B3GALT1: variants seen among roughly 807,000 people sequenced by gnomAD.
B3GALT1 encodes the protein UDP-Gal:betaGlcNAc beta 1,3-galactosyltransferase, polypeptide 1.
Under a neutral mutation model 23.2 loss-of-function variants are expected in B3GALT1, and 10 were observed. The ratio of observed to expected loss-of-function variants is 0.43; its 90% CI spans 0.27 to 0.73. B3GALT1 has a LOEUF of 0.73. Among genes scored for constraint, B3GALT1 ranks in the 30% least tolerant of loss-of-function variants. The pLI is 0.21. For synonymous variants in B3GALT1, 156 were observed against 141.5 expected (o/e 1.10, Z -0.73); for missense variants, 299 against 405.4 (o/e 0.74, Z 2.25).
At chr2:167,368,655 A>G (rs1412585415) in intron 1 of B3GALT1, among the ~76,000 whole-genome samples, 1 of 152,208 alleles carries the variant, frequency 6.6e-6, no homozygotes, top group East Asian at 1.9e-4. Context: ...TACAGAGAGG[A>G]ATCACATTCA....
intron 3 of B3GALT1, among the ~76,000 whole-genome samples, chr2:167,763,170 A>G (rs892131384): frequency 6.6e-6 from 1 of 152,192 alleles, no homozygotes; most frequent in Non-Finnish European, 1.5e-5. Context: ...AGTACCCAGA[A>G]TGTATACGGG....
At chr2:167,673,033 A>T (rs904015046) in intron 3 of B3GALT1, among the ~76,000 whole-genome samples, 4 of 122,286 alleles carry the variant, frequency 3.3e-5, no homozygotes, top group African/African-American at 9.1e-5. Context: ...GGTGCAAAAT[A>T]AAAAAAAAAG....
chr2:167,370,700 G>T (rs1169607164), intron 1 of B3GALT1, among the ~76,000 whole-genome samples: 1 of 152,160 alleles, frequency 6.6e-6, no homozygotes, highest in Non-Finnish European at 1.5e-5. Flanking sequence ...GCCGAGGTGG[G>T]TGGATCACGA....
intron 1 of B3GALT1, among the ~76,000 whole-genome samples, chr2:167,313,681 ACTGT>A (rs200632803): frequency 2.6e-5 from 4 of 152,156 alleles, no homozygotes; most frequent in East Asian, 3.9e-4. Context: ...TTGGTTTGAG[ACTGT>A]CTATCAGTGC....
intron 3 of B3GALT1, among the ~76,000 whole-genome samples, chr2:167,657,503 G>A (rs758273957): frequency 6.6e-6 from 1 of 152,074 alleles, no homozygotes; most frequent in Non-Finnish European, 1.5e-5. Flanking sequence ...GCTGATATAG[G>A]TAGCCATCTA....
At chr2:167,305,980 G>A (rs188578288) in intron 1 of B3GALT1, among the ~76,000 whole-genome samples, 1 of 152,138 alleles carries the variant, frequency 6.6e-6, no homozygotes, top group Admixed American at 6.6e-5. Context: ...ATACTCTTTG[G>A]TGCAATTGAA....
intron 2 of B3GALT1, among the ~76,000 whole-genome samples, chr2:167,511,324 C>A (rs1003525780): frequency 2.0e-5 from 3 of 152,048 alleles, no homozygotes; most frequent in Non-Finnish European, 2.9e-5. Flanking sequence ...GATGGTTTTC[C>A]CCCTTCTGTT....
intron 1 of B3GALT1, among the ~76,000 whole-genome samples, chr2:167,428,646 C>G (rs545053216): frequency 1.6e-4 from 24 of 152,114 alleles, no homozygotes; most frequent in Middle Eastern, 3.4e-3. Context: ...CCACTACACT[C>G]TAGCCTGGGT....
At chr2:167,337,154 G>A (rs1288696430) in intron 1 of B3GALT1, among the ~76,000 whole-genome samples, 1 of 152,092 alleles carries the variant, frequency 6.6e-6, no homozygotes, top group Admixed American at 6.5e-5. Flanking sequence ...ATGTAAAGTT[G>A]TTCTTCAATT....
At chr2:167,343,444 A>T (rs1369563223) in intron 1 of B3GALT1, among the ~76,000 whole-genome samples, 2 of 152,208 alleles carry the variant, frequency 1.3e-5, no homozygotes, top group Non-Finnish European at 2.9e-5. Context: ...AATCAGTTAC[A>T]GGTGGTTTAA....
chr2:167,502,696 C>CA (rs1699864353), intron 2 of B3GALT1, among the ~76,000 whole-genome samples: 1 of 152,174 alleles, frequency 6.6e-6, no homozygotes, highest in African/African-American at 2.4e-5. Flanking sequence ...GATCCACCCC[C>CA]ATGATCCAAC....
chr2:167,545,636 C>T (rs1462582791), intron 2 of B3GALT1, among the ~76,000 whole-genome samples: 1 of 152,084 alleles, frequency 6.6e-6, no homozygotes, highest in Non-Finnish European at 1.5e-5. Context: ...ACAGGACTGC[C>T]CTCACTTCAG....
At chr2:167,840,397 T>G (rs1253953773) in intron 4 of B3GALT1, among the ~76,000 whole-genome samples, 3 of 152,110 alleles carry the variant, frequency 2.0e-5, no homozygotes, top group Admixed American at 1.3e-4. Context: ...AAAGAAGACA[T>G]TTTTGCAGCC....
chr2:167,429,204 C>A (rs990764932), intron 1 of B3GALT1, among the ~76,000 whole-genome samples: 2 of 151,346 alleles, frequency 1.3e-5, no homozygotes, highest in African/African-American at 2.4e-5. Flanking sequence ...TGGCGTGAAC[C>A]CAGGAGGCAG....
chr2:167,790,314 C>G (rs1281818711), intron 3 of B3GALT1, among the ~76,000 whole-genome samples: 1 of 152,160 alleles, frequency 6.6e-6, no homozygotes, highest in Admixed American at 6.5e-5. Flanking sequence ...TCCACTGGGA[C>G]TCAAACTAGG....
intron 3 of B3GALT1, among the ~76,000 whole-genome samples, chr2:167,683,594 G>A (rs1240290385): frequency 1.3e-5 from 2 of 152,142 alleles, no homozygotes; most frequent in Non-Finnish European, 2.9e-5. Context: ...GGTGGTGGGT[G>A]CCTGTAGACC....
At chr2:167,766,313 C>A (rs866337387) in intron 3 of B3GALT1, among the ~76,000 whole-genome samples, 5 of 152,126 alleles carry the variant, frequency 3.3e-5, no homozygotes, top group African/African-American at 1.2e-4. Flanking sequence ...CTAGAAATTG[C>A]GACAAAACTC....
At chr2:167,566,990 G>C (rs188677616) in intron 2 of B3GALT1, among the ~76,000 whole-genome samples, 1 of 152,170 alleles carries the variant, frequency 6.6e-6, no homozygotes, top group Non-Finnish European at 1.5e-5. Flanking sequence ...TACTGCATCA[G>C]AATCTCTGGA....
intron 2 of B3GALT1, among the ~76,000 whole-genome samples, chr2:167,600,323 G>A (rs895938926): frequency 2.1e-4 from 32 of 152,246 alleles, no homozygotes; most frequent in Admixed American, 1.3e-3. Flanking sequence ...TGTGGATTTT[G>A]TAGCCTTTTC....
Sources: allele counts gnomAD v4.1 joint callset (sites outside exome capture counted in the v4.1 genomes callset), GRCh38; gene constraint gnomAD v4.1.1; transcripts MANE v1.5; gene names NCBI Gene and HGNC (gene_info 2026-07-23, HGNC 2026-07-21).